NRXN1: variants seen among roughly 807,000 people sequenced by gnomAD.
NRXN1 encodes neurexin 1.
In NRXN1, 39 loss-of-function variants were observed where a neutral mutation model predicts 150.9. The ratio of observed to expected loss-of-function variants is 0.26; its 90% CI spans 0.20 to 0.34. The LOEUF (loss-of-function observed/expected upper bound fraction) is 0.34. Ranked by LOEUF, NRXN1 falls within the 10% of genes least tolerant of loss-of-function variation. The pLI, the probability that NRXN1 is intolerant of heterozygous loss-of-function variation, is 1.00. For missense variants in NRXN1, 1,815 were observed against 1,949.9 expected, an observed-to-expected ratio of 0.93 and a Z score of 1.30; for synonymous variants, 924 against 757.0, an observed-to-expected ratio of 1.22 and a Z score of -3.62.
intron 5 of NRXN1, among the ~76,000 whole-genome samples, chr2:50,882,485 G>A (rs1679596533): frequency 6.6e-6 from 1 of 151,744 alleles, no homozygotes; most frequent in East Asian, 1.9e-4. Context: ...GCTGGTGTAC[G>A]GCTGAGCTAG....
At chr2:50,848,288 T>C (rs977267296) in intron 5 of NRXN1, among the ~76,000 whole-genome samples, 5 of 152,152 alleles carry the variant, frequency 3.3e-5, no homozygotes, top group Admixed American at 3.3e-4. Flanking sequence ...AGAAGCTGGA[T>C]TGAAACTAGG....
chr2:50,613,699 G>T (rs1035223537), intron 8 of NRXN1, among the ~76,000 whole-genome samples: 1 of 152,164 alleles, frequency 6.6e-6, no homozygotes, highest in African/African-American at 2.4e-5. Context: ...AGCACTTTGG[G>T]AGGCCCAGGT....
rs749239195 is a variant in NRXN1, at chr2:50,997,943, G to C, written c.772+29559C>G. On this transcript the variant is annotated intron_variant, in intron 2 of 22. Transcript: ENST00000401669. ...AGGTATTTATATTTTGAAGTGCCATGATGAGTTCCGAATGTTTAGATAAGA... is the reference window on the plus strand; with the variant it reads ...AGGTATTTATATTTTGAAGTGCCATCATGAGTTCCGAATGTTTAGATAAGA... 8.5e-5 allele frequency among the ~76,000 whole-genome samples: 12 copies of C among 141,568 alleles called. 1 individual carries two copies. Among genetic ancestry groups the C allele is most frequent in the Non-Finnish European group, 1.3e-4 (9 of 66,970 alleles). The allele number at this position is 141,568 out of a possible 152,430, so 92.9% of individuals were successfully genotyped here.
chr2:50,631,017 A>C (rs920095430), intron 5 of NRXN1: 1 of 410,806 alleles, frequency 2.4e-6, no homozygotes, highest in African/African-American at 2.2e-5. Flanking sequence ...GTCCTTAAGA[A>C]ATTTACTATT....
intron 17 of NRXN1, among the ~76,000 whole-genome samples, chr2:50,426,676 A>T (rs1260921686): frequency 6.6e-6 from 1 of 152,108 alleles, no homozygotes; most frequent in Non-Finnish European, 1.5e-5. Context: ...TGAGGGATGC[A>T]GTTATTTTTG....
intron 18 of NRXN1, among the ~76,000 whole-genome samples, chr2:50,133,863 C>T (rs912395658): frequency 3.9e-5 from 6 of 152,130 alleles, no homozygotes; most frequent in African/African-American, 1.4e-4. Context: ...GACTAGGATA[C>T]ATTTATTTGC....
intron 2 of NRXN1, among the ~76,000 whole-genome samples, chr2:50,995,022 T>C (rs1029031114): frequency 2.6e-5 from 4 of 151,968 alleles, no homozygotes; most frequent in Admixed American, 2.0e-4. Flanking sequence ...GTAATAACAT[T>C]GAATATAAAA....
At chr2:50,756,449 G>A (rs1290916757) in intron 5 of NRXN1, among the ~76,000 whole-genome samples, 8 of 151,594 alleles carry the variant, frequency 5.3e-5, no homozygotes, top group African/African-American at 1.9e-4. Context: ...CACTAGATAA[G>A]CAAATATAGC....
intron 5 of NRXN1, among the ~76,000 whole-genome samples, chr2:50,782,182 TAGG>T (rs1357658737): frequency 1.3e-5 from 2 of 151,912 alleles, no homozygotes; most frequent in Non-Finnish European, 2.9e-5. Context: ...TTTCCAAAAT[TAGG>T]AGAAGGGAAA....
chr2:50,904,128 G>T (rs575253366), intron 5 of NRXN1, among the ~76,000 whole-genome samples: 1 of 152,172 alleles, frequency 6.6e-6, no homozygotes, highest in South Asian at 2.1e-4. Context: ...GGCATGACCT[G>T]AAATCCATTA....
rs968184124 is a variant in NRXN1, at chr2:50,955,479, T to G, written c.773-29524A>C. 7.9e-5 allele frequency among the ~76,000 whole-genome samples: 12 copies of G among 152,206 alleles called. 1 individual carries two copies. The highest frequency in any genetic ancestry group is 2.9e-4 in the African/African-American group (12 of 41,446). Reference sequence around the variant, plus strand: ...AAGCAGGCTTTTTAAAAAGTGACATTGAAAATATGGCAGCTTAAAAGTAAA... The same window carrying G: ...AAGCAGGCTTTTTAAAAAGTGACATGGAAAATATGGCAGCTTAAAAGTAAA... On this transcript the variant is annotated intron_variant, in intron 2 of 22. Transcript: ENST00000401669.
chr2:50,055,038 T>C lies in NRXN1; in HGVS notation c.3725A>G (p.Asn1242Ser). 6.3e-7 allele frequency: 1 copy of C among 1,595,096 alleles called. No individual in the cohort carries two copies. The highest frequency in any genetic ancestry group is 8.5e-7 in the Non-Finnish European group (1 of 1,171,738). The change falls in exon 20 of 23, where the codon AAT (asparagine) becomes AGT (serine). Residue 1242 changes from asparagine to serine, a missense_variant. Asn to Ser is a conservative substitution (Grantham distance 46). Coordinates refer to ENST00000401669, the MANE Select transcript of NRXN1 (RefSeq NM_001330078.2). ...PVIERYPAGN[N>S]DNERLAIARQ... is the part of the protein sequence containing the mutation. ...AGCAATCGCCAGGCGCTCGTTATCA[T>C]TGTTTCCTTTAAAGTTTAAAGAGAC...
In NRXN1 at chr2:50,347,514, G is replaced by T; in HGVS notation, c.3365-110544C>A. ...CCCTTCCCTCCATTCAGCCCCGGCC[G>T]GCTCGCCCGCTAGCGCCAGCCTCCC... is the stretch of plus-strand genomic sequence containing the variant. On this transcript the variant is annotated intron_variant, in intron 17 of 22. Coordinates refer to ENST00000401669, the MANE Select transcript of NRXN1 (RefSeq NM_001330078.2). This position sits in a 1 kb window ranked among gnomAD's most constrained non-coding sequence, Gnocchi z 4.9. 2.9e-6 allele frequency: 3 copies of T among 1,049,002 alleles called. No individual in the cohort carries two copies. The highest frequency in any genetic ancestry group is 5.6e-5 in the South Asian group (2 of 35,898). 65.0% of individuals were successfully genotyped at this position (1,049,002 alleles called of 1,614,324 possible).
chr2:50,259,405 T>C (rs2068029239), intron 17 of NRXN1, among the ~76,000 whole-genome samples: 1 of 151,954 alleles, frequency 6.6e-6, no homozygotes, highest in East Asian at 1.9e-4. Context: ...GCTTAAGTAA[T>C]ATAAGGGGTT....
In NRXN1 at chr2:50,141,893, AGATTTC is replaced by A. The variant is rs766942333; in HGVS notation, c.3547-50405_3547-50400del. Among the ~76,000 whole-genome samples the A allele has an allele frequency of 1.2e-3, 190 of 152,176 alleles. 1 individual carries two copies. The highest frequency in any genetic ancestry group is 2.5e-3 in the South Asian group (12 of 4,826). On this transcript the variant is annotated intron_variant, in intron 18 of 22. Coordinates refer to ENST00000401669, the MANE Select transcript of NRXN1 (RefSeq NM_001330078.2). ...ACAGCCATTATGGAAAACAATACGT[AGATTTC>A]TCAAACACTAAAAAGAGAGCTATTA...
chr2:49,970,894 G>A (rs550549175), intron 21 of NRXN1, among the ~76,000 whole-genome samples: 106 of 152,004 alleles, frequency 7.0e-4, no homozygotes, highest in Non-Finnish European at 1.3e-3. Context: ...CTGGGAGCAG[G>A]GAAAATGGGA....
intron 5 of NRXN1, chr2:50,898,737 C>A: frequency 6.7e-6 from 2 of 299,084 alleles, no homozygotes; most frequent in South Asian, 2.9e-5. Flanking sequence ...GAAATGAATG[C>A]TTTGAAAATA....
intron 18 of NRXN1, among the ~76,000 whole-genome samples, chr2:50,160,218 G>A (rs889603587): frequency 2.0e-5 from 3 of 151,916 alleles, no homozygotes; most frequent in East Asian, 1.9e-4. Flanking sequence ...AGGTACAACT[G>A]CTAGTATTGA....
intron 17 of NRXN1, among the ~76,000 whole-genome samples, chr2:50,258,760 G>T (rs189491254): frequency 1.4e-4 from 21 of 152,044 alleles, no homozygotes; most frequent in Admixed American, 1.2e-3. Flanking sequence ...CTTAAATAAG[G>T]CTTGAAAGTT....
Sources: allele counts gnomAD v4.1 joint callset (sites outside exome capture counted in the v4.1 genomes callset), GRCh38; gene constraint gnomAD v4.1.1; non-coding constraint Gnocchi (gnomAD v3.1); transcripts MANE v1.5; gene names NCBI Gene and HGNC (gene_info 2026-07-23, HGNC 2026-07-21).